UBAC1: variants seen among roughly 807,000 people sequenced by gnomAD.
UBAC1 encodes the protein ubiquitin-associated domain-containing protein 1.
A neutral mutation model predicts 45.9 loss-of-function variants in UBAC1; 27 were observed. The observed-to-expected ratio is 0.59, with a 90% CI of 0.43 to 0.81. UBAC1 has a LOEUF of 0.81. Ranked by LOEUF, UBAC1 falls within the 30% of genes least tolerant of loss-of-function variation. The pLI is 0.00. For missense variants in UBAC1, 529 were observed against 539.2 expected (o/e 0.98, Z 0.19); for synonymous variants, 227 against 215.5 (o/e 1.05, Z -0.47).
At chr9:135,944,825 C>T (rs542360196) in intron 7 of UBAC1, among the ~76,000 whole-genome samples, 2 of 152,346 alleles carry the variant, frequency 1.3e-5, no homozygotes, top group South Asian at 2.1e-4. Context: ...CTCAGAAACT[C>T]GGGCCACGGT....
intron 6 of UBAC1, chr9:135,945,491 G>A (rs1839319756): frequency 1.9e-6 from 1 of 521,482 alleles, no homozygotes; most frequent in African/African-American, 1.9e-5. Context: ...AGCGGACCCA[G>A]AGATATCTGC....
intron 7 of UBAC1, among the ~76,000 whole-genome samples, chr9:135,944,736 T>C (rs924043869): frequency 6.6e-6 from 1 of 152,006 alleles, no homozygotes; most frequent in African/African-American, 2.4e-5. Context: ...AAATATCAAG[T>C]TTTTCAAAAG....
intron 1 of UBAC1, among the ~76,000 whole-genome samples, chr9:135,958,830 TCC>T (rs1340009976): frequency 2.0e-5 from 3 of 152,096 alleles, no homozygotes; most frequent in Admixed American, 2.0e-4. Flanking sequence ...AGCTCTGGAG[TCC>T]TGAAATGTAT....
At chr9:135,956,108 G>A (rs1002817403) in intron 1 of UBAC1, among the ~76,000 whole-genome samples, 6 of 152,216 alleles carry the variant, frequency 3.9e-5, no homozygotes, top group African/African-American at 1.4e-4. Context: ...GGGAACGGGA[G>A]GCAACACATG....
intron 3 of UBAC1, 73 bp from the exon 4 acceptor site, chr9:135,947,978 C>T (rs370823986): frequency 7.2e-6 from 10 of 1,384,544 alleles, no homozygotes; most frequent in Non-Finnish European, 9.0e-6. Context: ...ACTGAATCAG[C>T]GGAGCTCTGC....
In UBAC1 at chr9:135,936,770, G is replaced by C. The variant is rs548583078; in HGVS notation, c.1102+1452C>G. On this transcript the variant is annotated intron_variant, in intron 9 of 9. Transcript: ENST00000371756. The stretch of plus-strand genomic sequence containing the variant: ...AGCCTCCCAAAGTGCTGGGATTACA[G>C]GCGTGAGCCACCACGCCCAGCCATG... Among the ~76,000 whole-genome samples, 6 of 152,286 alleles carry C rather than the reference G, an allele frequency of 3.9e-5. No individual in the cohort carries two copies. In the South Asian group the frequency reaches 6.2e-4, roughly 16 times the overall value.
chr9:135,950,308 C>CT (rs1839392940), intron 3 of UBAC1, among the ~76,000 whole-genome samples: 2 of 152,216 alleles, frequency 1.3e-5, no homozygotes, highest in South Asian at 2.1e-4. Flanking sequence ...TTAGCAAACT[C>CT]TAACACGGGA....
chr9:135,945,290 C>G, intron 6 of UBAC1, 40 bp from the exon 7 acceptor site: 1 of 1,497,952 alleles, frequency 6.7e-7, no homozygotes, highest in Non-Finnish European at 8.9e-7. Flanking sequence ...CCCAGACTAA[C>G]GGACCAGGGC....
intron 1 of UBAC1, among the ~76,000 whole-genome samples, chr9:135,956,474 G>A (rs1839467500): frequency 6.6e-6 from 1 of 152,180 alleles, no homozygotes; most frequent in Non-Finnish European, 1.5e-5. Flanking sequence ...GGTGCCGTGT[G>A]ATGAAGACTG....
At chr9:135,958,955 AT>A (rs1839499470) in intron 1 of UBAC1, among the ~76,000 whole-genome samples, 1 of 152,238 alleles carries the variant, frequency 6.6e-6, no homozygotes, top group Non-Finnish European at 1.5e-5. Context: ...AACATCCCAA[AT>A]GATACATCTC....
chr9:135,942,201 G>A (rs1167724916), intron 7 of UBAC1: 2 of 152,194 alleles, frequency 1.3e-5, no homozygotes, highest in African/African-American at 2.4e-5. Context: ...ACGAGAGTGC[G>A]AAGTCCAACC....
At position 135,961,196 on chromosome 9, in the gene UBAC1, C is replaced by G; in HGVS notation, c.-34G>C. 6.7e-7 allele frequency: 1 copy of G among 1,488,366 alleles called. No individual in the cohort carries two copies. Among genetic ancestry groups the G allele is most frequent in the Non-Finnish European group, 8.9e-7 (1 of 1,126,426 alleles). 92.2% of individuals were successfully genotyped at this position (1,488,366 alleles called of 1,614,324 possible). On this transcript the variant is annotated 5_prime_UTR_variant, in exon 1 of 10. Coordinates refer to ENST00000371756, the MANE Select transcript of UBAC1 (RefSeq NM_016172.3). ...CGCCGCAGGGGCCTGCGCCCGCCAC[C>G]CGGGCCCCTGAAGGTCACCGGGAAG...
At chr9:135,939,518 ACTC>A (rs957510879) in intron 8 of UBAC1, among the ~76,000 whole-genome samples, 152 bp downstream of exon 8, 4 of 120,192 alleles carry the variant, frequency 3.3e-5, no homozygotes, top group Non-Finnish European at 5.1e-5. Context: ...GCCCACACTC[ACTC>A]ATCACAGCCC....
Position 135,933,546 on chromosome 9 carries a change from C to G in UBAC1, c.1103-31G>C, listed in dbSNP as rs775617022. 1.1e-5 allele frequency: 17 copies of G among 1,524,988 alleles called. No individual in the cohort carries two copies. In the East Asian group the frequency reaches 3.6e-4, roughly 32 times the overall value. 94.5% of individuals were successfully genotyped at this position (1,524,988 alleles called of 1,614,324 possible). On this transcript the variant is annotated intron_variant, in intron 9 of 9. Coordinates refer to ENST00000371756, the MANE Select transcript of UBAC1 (RefSeq NM_016172.3). ...GGGAAAACAGAGCCAGCCTGAGTGCCCACGCCCCCACTCAGCCCACAGGCA... is the reference window on the plus strand; with the variant it reads ...GGGAAAACAGAGCCAGCCTGAGTGCGCACGCCCCCACTCAGCCCACAGGCA...
At chr9:135,951,070 CTGGTGT>C (rs1839401560) in intron 3 of UBAC1, among the ~76,000 whole-genome samples, 2 of 152,080 alleles carry the variant, frequency 1.3e-5, no homozygotes, top group Non-Finnish European at 2.9e-5. Context: ...ACACTCCAGC[CTGGTGT>C]GCACTGCCTG....
chr9:135,961,112 G>A lies in UBAC1; in HGVS notation c.51C>T (p.His17=), dbSNP rs1457420122. 3 of 1,591,234 alleles carry A rather than the reference G, an allele frequency of 1.9e-6. No individual in the cohort carries two copies. The highest frequency in any genetic ancestry group is 1.7e-4 in the Middle Eastern group (1 of 5,914). Residue 17 remains histidine, a synonymous_variant, in exon 1 of 10, where the codon CAC becomes CAT. Coordinates refer to ENST00000371756, the MANE Select transcript of UBAC1 (RefSeq NM_016172.3). ...KIFAGKVLRL[H]ICASDGAEWL... is the part of the protein sequence containing the mutation. ...ACTCGGCGCCGTCGGACGCGCAGATGTGCAGCCGCAGCACCTTGCCCGCGA... is the reference window on the plus strand; with the variant it reads ...ACTCGGCGCCGTCGGACGCGCAGATATGCAGCCGCAGCACCTTGCCCGCGA...
chr9:135,933,063 C>A lies in UBAC1; in HGVS notation c.*337G>T, dbSNP rs1407770776. 2 of 215,816 alleles carry A rather than the reference C, an allele frequency of 9.3e-6. No individual in the cohort carries two copies. Among genetic ancestry groups the A allele is most frequent in the Non-Finnish European group, 1.8e-5 (2 of 109,846 alleles). 13.4% of individuals were successfully genotyped at this position (215,816 alleles called of 1,614,324 possible). On this transcript the variant is annotated 3_prime_UTR_variant, in exon 10 of 10. Coordinates refer to ENST00000371756, the MANE Select transcript of UBAC1 (RefSeq NM_016172.3). ...ACTCTGGGTTGAAACCTACCTCCGT[C>A]AAATAACAAGTGGACTCTCCAAGCA... is the stretch of plus-strand genomic sequence containing the variant.
chr9:135,934,693 C>G (rs1839183797), intron 9 of UBAC1, among the ~76,000 whole-genome samples: 1 of 152,142 alleles, frequency 6.6e-6, no homozygotes, highest in African/African-American at 2.4e-5. Context: ...GAAAAAGACT[C>G]AGAAAGAACA....
Position 135,961,227 on chromosome 9 carries a change from C to A in UBAC1, c.-65G>T, listed in dbSNP as rs1196758143. Reference sequence around the variant, plus strand: ...CCCTGAAGGTCACCGGGAAGGCGGGCGGGGAGGGGGCGGGGCCAGACCGCC... The same window carrying A: ...CCCTGAAGGTCACCGGGAAGGCGGGAGGGGAGGGGGCGGGGCCAGACCGCC... On this transcript the variant is annotated 5_prime_UTR_variant, in exon 1 of 10. Coordinates refer to ENST00000371756, the MANE Select transcript of UBAC1 (RefSeq NM_016172.3). 2.8e-6 allele frequency: 4 copies of A among 1,411,988 alleles called. No individual in the cohort carries two copies. The highest frequency in any genetic ancestry group is 3.7e-6 in the Non-Finnish European group (4 of 1,090,104). 87.5% of individuals were successfully genotyped at this position (1,411,988 alleles called of 1,614,324 possible).
Sources: allele counts gnomAD v4.1 joint callset (sites outside exome capture counted in the v4.1 genomes callset), GRCh38; gene constraint gnomAD v4.1.1; transcripts MANE v1.5; gene names NCBI Gene and HGNC (gene_info 2026-07-23, HGNC 2026-07-21).